Variants in ICA1 observed in about 807,000 individuals in gnomAD.
ICA1 encodes islet cell autoantigen 1.
In ICA1, 40 loss-of-function variants were observed where a neutral mutation model predicts 71.0. The ratio of observed to expected loss-of-function variants is 0.56; its 90% confidence interval spans 0.44 to 0.73. The LOEUF (loss-of-function observed/expected upper bound fraction) is 0.73. Ranked by LOEUF, ICA1 falls within the 30% of genes least tolerant of loss-of-function variation. The pLI is 0.00. For synonymous variants in ICA1, 207 were observed against 209.5 expected (o/e 0.99, Z 0.10); for missense variants, 578 against 576.5 (o/e 1.00, Z -0.03).
intron 1 of ICA1, among the ~76,000 whole-genome samples, chr7:8,237,259 C>T (rs1340068315): frequency 1.3e-5 from 2 of 152,024 alleles, no homozygotes; most frequent in African/African-American, 4.8e-5. Context: ...GAGAGGCTAC[C>T]AACACCCAGT....
chr7:8,221,494 A>G, intron 4 of ICA1, 96 bp from the exon 5 acceptor site: 1 of 1,375,398 alleles, frequency 7.3e-7, no homozygotes, highest in Non-Finnish European at 1.0e-6. Flanking sequence ...TCTCTTCCAG[A>G]GGCGAAGACG....
At chr7:8,139,812 C>T (rs1432329426) in intron 10 of ICA1, among the ~76,000 whole-genome samples, 1 of 152,152 alleles carries the variant, frequency 6.6e-6, no homozygotes, top group Non-Finnish European at 1.5e-5. Context: ...CCTAACTTTG[C>T]TGTGAACCAA....
chr7:8,158,785 G>A (rs1802642952), intron 6 of ICA1, 133 bp from the exon 7 acceptor site: 1 of 861,922 alleles, frequency 1.2e-6, no homozygotes, highest in East Asian at 2.6e-5. Flanking sequence ...AGACAAATGG[G>A]AAGATGTTAC....
intron 6 of ICA1, among the ~76,000 whole-genome samples, chr7:8,171,710 G>T (rs1485289647): frequency 1.7e-5 from 1 of 57,644 alleles, no homozygotes; most frequent in East Asian, 7.0e-4. Flanking sequence ...TTATATTATT[G>T]ATTTGAGAAC....
chr7:8,193,907 G>A (rs1332993544), intron 6 of ICA1, among the ~76,000 whole-genome samples: 1 of 152,186 alleles, frequency 6.6e-6, no homozygotes, highest in East Asian at 1.9e-4. Context: ...AGGAGCCTGT[G>A]ATAGATGGAG....
At chr7:8,138,941 A>C in intron 11 of ICA1, 44 bp downstream of exon 11, 1 of 1,598,294 alleles carries the variant, frequency 6.3e-7, no homozygotes, top group South Asian at 1.1e-5. Context: ...GAGGAGTTTG[A>C]GTCAAATAAT....
At chr7:8,235,317 A>C (rs1801508288) in intron 2 of ICA1, among the ~76,000 whole-genome samples, 1 of 152,216 alleles carries the variant, frequency 6.6e-6, no homozygotes, top group South Asian at 2.1e-4. Flanking sequence ...ACACTGCTTG[A>C]AGAGCTCTGG....
intron 6 of ICA1, among the ~76,000 whole-genome samples, chr7:8,181,807 G>A (rs578121743): frequency 5.9e-5 from 9 of 152,110 alleles, no homozygotes; most frequent in Non-Finnish European, 1.2e-4. Context: ...TTTCTTAAGA[G>A]GTCAAAGGAA....
intron 1 of ICA1, among the ~76,000 whole-genome samples, chr7:8,246,320 A>C (rs954980468): frequency 6.6e-6 from 1 of 152,242 alleles, no homozygotes; most frequent in Non-Finnish European, 1.5e-5. Context: ...CTGCTCAAAG[A>C]AGCAGAGGCC....
chr7:8,200,296 T>C (rs895913201), intron 6 of ICA1, among the ~76,000 whole-genome samples: 1 of 119,150 alleles, frequency 8.4e-6, no homozygotes, highest in Admixed American at 1.2e-4. Context: ...CAGAAGTAAT[T>C]AGGGCTTCTT....
chr7:8,193,190 C>T (rs1301887843), intron 6 of ICA1, among the ~76,000 whole-genome samples: 1 of 152,184 alleles, frequency 6.6e-6, no homozygotes, highest in Non-Finnish European at 1.5e-5. Context: ...ACACAACACA[C>T]ATACACATAT....
chr7:8,254,233 ATGCTGTGCACGGGTCC>A (rs1186085404), intron 1 of ICA1, among the ~76,000 whole-genome samples: 15 of 152,260 alleles, frequency 9.9e-5, no homozygotes, highest in Admixed American at 8.5e-4. Flanking sequence ...TAAAATGTGT[ATGCTGTGCACGGGTCC>A]TGTAAACAAA....
At chr7:8,168,873 C>G (rs1326432809) in intron 6 of ICA1, among the ~76,000 whole-genome samples, 1 of 152,096 alleles carries the variant, frequency 6.6e-6, no homozygotes, top group Admixed American at 6.6e-5. Flanking sequence ...TACTTTTAAG[C>G]AGCTTTGTTG....
At position 8,174,243 on chromosome 7, in the gene ICA1, G is replaced by T. The variant is rs565607085; in HGVS notation, c.580-15591C>A. 2.0e-5 allele frequency among the ~76,000 whole-genome samples: 3 copies of T among 152,224 alleles called. No individual in the cohort carries two copies. The East Asian group carries it at 5.8e-4, about 29-fold the overall frequency. ...CCCGTCTGTTTTACATGTTTTGTAA[G>T]TTCATCAACAAATAGAGAACATGAT... On this transcript the variant is annotated intron_variant, in intron 6 of 13. Transcript: ENST00000402384.
intron 1 of ICA1, among the ~76,000 whole-genome samples, chr7:8,243,050 T>A (rs1804569486): frequency 6.6e-6 from 1 of 152,224 alleles, no homozygotes; most frequent in Admixed American, 6.5e-5. Context: ...GAGGGAATCC[T>A]CCTTAACTCA....
At chr7:8,128,463 A>T (rs1025402189) in intron 12 of ICA1, among the ~76,000 whole-genome samples, 3 of 152,212 alleles carry the variant, frequency 2.0e-5, no homozygotes, top group Non-Finnish European at 4.4e-5. Flanking sequence ...AAGATTGAAA[A>T]CATGTTGGAG....
intron 3 of ICA1, among the ~76,000 whole-genome samples, chr7:8,231,238 G>A (rs1018730075): frequency 2.0e-4 from 31 of 152,108 alleles, no homozygotes; most frequent in Non-Finnish European, 4.4e-4. Flanking sequence ...GTTGTGGACT[G>A]AGAACTGAGA....
chr7:8,239,362 T>G (rs1802960279), intron 1 of ICA1, among the ~76,000 whole-genome samples: 1 of 152,224 alleles, frequency 6.6e-6, no homozygotes, highest in South Asian at 2.1e-4. Flanking sequence ...AATGAGTACA[T>G]GCCAGTCACT....
chr7:8,244,560 G>C (rs1805216554), intron 1 of ICA1, among the ~76,000 whole-genome samples: 1 of 152,106 alleles, frequency 6.6e-6, no homozygotes, highest in Non-Finnish European at 1.5e-5. Flanking sequence ...ACACACATGG[G>C]ATCTAATTAA....
Sources: allele counts gnomAD v4.1 joint callset (sites outside exome capture counted in the v4.1 genomes callset), GRCh38; gene constraint gnomAD v4.1.1; transcripts MANE v1.5; gene names NCBI Gene and HGNC (gene_info 2026-07-23, HGNC 2026-07-21).